PNPLA7: variants seen among roughly 807,000 people sequenced by gnomAD.
PNPLA7 encodes the protein patatin-like phospholipase domain-containing protein 7.
In PNPLA7, 153 loss-of-function variants were observed where a neutral mutation model predicts 161.7. The observed-to-expected ratio is 0.95, with a 90% confidence interval of 0.83 to 1.08. PNPLA7 has a LOEUF of 1.08. PNPLA7 is among the 50% of genes least tolerant of loss of function. The pLI, the probability that PNPLA7 is intolerant of heterozygous loss-of-function variation, is 0.00. For synonymous variants in PNPLA7, 809 were observed against 782.1 expected, an observed-to-expected ratio of 1.03 and a Z score of -0.57; for missense variants, 1,739 against 1,856.6, an observed-to-expected ratio of 0.94 and a Z score of 1.16.
intron 8 of PNPLA7, among the ~76,000 whole-genome samples, chr9:137,528,342 A>T (rs1835404216): frequency 6.6e-6 from 1 of 151,924 alleles, no homozygotes. Flanking sequence ...CACTGATCTG[A>T]GACTTGTTTT....
intron 8 of PNPLA7, among the ~76,000 whole-genome samples, chr9:137,527,643 A>C (rs1484216605): frequency 1.3e-5 from 2 of 152,108 alleles, no homozygotes; most frequent in Non-Finnish European, 2.9e-5. Context: ...ATACTGCTGG[A>C]CTCAAATCTC....
intron 16 of PNPLA7, among the ~76,000 whole-genome samples, chr9:137,498,634 G>A (rs949968722): frequency 1.3e-5 from 2 of 152,238 alleles, no homozygotes; most frequent in Non-Finnish European, 2.9e-5. Flanking sequence ...AGCAGGCAAA[G>A]GCAGAGGCTG....
At chr9:137,525,376 T>C (rs914229537) in intron 8 of PNPLA7, among the ~76,000 whole-genome samples, 3 of 152,172 alleles carry the variant, frequency 2.0e-5, no homozygotes, top group East Asian at 3.8e-4. Flanking sequence ...CACCAAGGCA[T>C]GGAGACCGGT....
In PNPLA7 at chr9:137,536,304, C is replaced by T. The variant is rs193159697; in HGVS notation, c.747+4338G>A. 5.9e-3 allele frequency among the ~76,000 whole-genome samples: 901 copies of T among 152,190 alleles called. 7 individuals carry two copies. Among genetic ancestry groups the T allele is most frequent in the East Asian group, 0.02 (102 of 5,188 alleles). ...GAGGATTTGCTCCACCAAAACACGC[C>T]GGCCGAGAAAGCAGCAGCAAGAGCC... On this transcript the variant is annotated intron_variant, in intron 8 of 34. Coordinates refer to ENST00000406427, the MANE Select transcript of PNPLA7 (RefSeq NM_001098537.3).
In PNPLA7 at chr9:137,546,862, CTT is replaced by C. The variant is rs774328017; in HGVS notation, c.239_240del (p.Lys80SerfsTer71). ...ATGATCTTCCGGCCGTAAAACATCA[CTT>C]TGTCTCTCTTCCGGAACCGGTACTG... ...TPQYRFRKRD[K>X]VMFYGRKIMR... On this transcript the variant is annotated frameshift_variant, in exon 4 of 35. Transcript: ENST00000406427. LOFTEE classifies it high-confidence loss of function. The C allele has an allele frequency of 1.2e-6, 2 of 1,613,972 alleles. No homozygotes were observed. Among genetic ancestry groups the C allele is most frequent in the African/African-American group, 1.3e-5 (1 of 75,062 alleles).
chr9:137,462,457 A>T, intron 30 of PNPLA7, 126 bp from the exon 31 acceptor site: 9 of 1,460,976 alleles, frequency 6.2e-6, no homozygotes, highest in Non-Finnish European at 7.3e-6. Flanking sequence ...GGGAGAGGGT[A>T]GCAGCACCCG....
At chr9:137,501,302 C>G (rs562379068) in intron 15 of PNPLA7, among the ~76,000 whole-genome samples, 1 of 152,202 alleles carries the variant, frequency 6.6e-6, no homozygotes, top group Admixed American at 6.5e-5. Flanking sequence ...ACACGCCACG[C>G]GTTTTGGTCC....
chr9:137,507,468 G>A (rs983285835), intron 12 of PNPLA7, among the ~76,000 whole-genome samples: 14 of 152,164 alleles, frequency 9.2e-5, no homozygotes, highest in African/African-American at 2.2e-4. Flanking sequence ...TTGGGGGTTC[G>A]AGACCAGCCT....
In PNPLA7 at chr9:137,519,934, T is replaced by G; in HGVS notation, c.1067A>C (p.Gln356Pro). The change falls in exon 11 of 35, where the codon CAG becomes CCG. Residue 356 changes from glutamine (Q) to proline (P), a missense_variant. Around this residue, in one of 6 missense-constraint regions of PNPLA7, gnomAD observed 481 missense variants for 450.0 expected, o/e 1.07. Transcript: ENST00000406427. ...GACAGTACCTGAGTCACAGGACTCCTGGAGCCGCGGTGGCTTTTTAAGCCG... is the reference window on the plus strand; with the variant it reads ...GACAGTACCTGAGTCACAGGACTCCGGGAGCCGCGGTGGCTTTTTAAGCCG... ...EERLKKPPRL[Q>P]ESCDSDHGGG... The G allele has an allele frequency of 6.2e-7, 1 of 1,612,550 alleles. No homozygotes were observed. Among genetic ancestry groups the G allele is most frequent in the East Asian group, 2.2e-5 (1 of 44,888 alleles).
At chr9:137,492,983 G>A (rs1179911228) in intron 20 of PNPLA7, 30 bp downstream of exon 20, 1 of 1,607,130 alleles carries the variant, frequency 6.2e-7, no homozygotes, top group Non-Finnish European at 8.5e-7. Context: ...AGGGCTCCCA[G>A]GAGGCTCTGG....
intron 17 of PNPLA7, among the ~76,000 whole-genome samples, chr9:137,497,591 G>A (rs1434961471): frequency 7.2e-5 from 11 of 152,292 alleles, no homozygotes; most frequent in Admixed American, 4.6e-4. Flanking sequence ...GCAGTGGCAC[G>A]ACCTCGGCTC....
chr9:137,466,479 C>A (rs1172833863), intron 26 of PNPLA7, among the ~76,000 whole-genome samples: 1 of 150,778 alleles, frequency 6.6e-6, no homozygotes, highest in Non-Finnish European at 1.5e-5. Flanking sequence ...GAACAGACCA[C>A]CTCCCACCAC....
intron 14 of PNPLA7, 30 bp downstream of exon 14, chr9:137,505,584 A>C: frequency 6.2e-7 from 1 of 1,611,260 alleles, no homozygotes; most frequent in Middle Eastern, 1.7e-4. Context: ...TGGGTGGGAC[A>C]AGGGCCAGGT....
At chr9:137,460,981 A>G in intron 33 of PNPLA7, 1 of 495,442 alleles carries the variant, frequency 2.0e-6, no homozygotes, top group South Asian at 2.3e-5. Context: ...GCGGGCAGAC[A>G]CTCCTCCCCT....
In PNPLA7 at chr9:137,505,617, C is replaced by T. The variant is rs1833873065; in HGVS notation, c.1470G>A (p.Leu490=). 6.2e-7 allele frequency: 1 copy of T among 1,613,820 alleles called. No individual in the cohort carries two copies. Among genetic ancestry groups the T allele is most frequent in the Non-Finnish European group, 8.5e-7 (1 of 1,179,996 alleles). ...AKKDLLTLMK[L]EDSSLLDGRV... is the part of the protein sequence containing the mutation. ...GGTGCCCGCCGGGGCCACTCACTTC[C>T]AGCTTCATCAGGGTGAGCAGGTCCT... The change falls in exon 14 of 35, where the codon CTG becomes CTA. Residue 490 remains leucine, a synonymous_variant. Transcript: ENST00000406427.
intron 4 of PNPLA7, among the ~76,000 whole-genome samples, chr9:137,544,659 T>C (rs1230414553): frequency 2.0e-5 from 3 of 152,226 alleles, no homozygotes; most frequent in Non-Finnish European, 2.9e-5. Flanking sequence ...TCGTTTGTTT[T>C]TGAGATGGAG....
rs1421382586 is a variant in PNPLA7, at chr9:137,462,046, G to A, written c.3646-5C>T. The A allele has an allele frequency of 2.5e-6, 4 of 1,584,996 alleles. No individual in the cohort carries two copies. The highest frequency in any genetic ancestry group is 3.5e-5 in the Admixed American group (2 of 56,870). On this transcript the variant is annotated splice_region_variant and splice_polypyrimidine_tract_variant and intron_variant, in intron 31 of 34. Coordinates refer to ENST00000406427, the MANE Select transcript of PNPLA7 (RefSeq NM_001098537.3). The stretch of plus-strand genomic sequence containing the variant: ...CCCGTGCTGGTAGCCCACTTCCTGT[G>A]CACACCCCCAGGGCCCCGTCAGGAG...
rs768146418 is a variant in PNPLA7, at chr9:137,543,761, C to T, written c.328G>A (p.Ala110Thr). The change falls in exon 5 of 35, where the codon GCC becomes ACC. Residue 110 changes from alanine to threonine, a missense_variant. This residue lies in a region of PNPLA7 where 209 missense variants were observed against 252.8 expected (regional missense o/e 0.83). Transcript: ENST00000406427. The surrounding 1 kb of genome is among the most constrained non-coding windows in gnomAD (Gnocchi z 6.9). ...GACAGCACCTTGGTCCTCTTCCTGG[C>T]CCGCTGCCGGGGCAGGGCAGTGTTC... is the stretch of plus-strand genomic sequence containing the variant. ...VENTALPRQR[A>T]RKRTKVLSLA... The T allele has an allele frequency of 1.2e-6, 2 of 1,614,166 alleles. No homozygotes were observed. The highest frequency in any genetic ancestry group is 1.1e-5 in the South Asian group (1 of 91,084).
intron 26 of PNPLA7, among the ~76,000 whole-genome samples, chr9:137,465,445 CAG>C (rs1831418436): frequency 2.0e-5 from 3 of 152,188 alleles, no homozygotes; most frequent in Admixed American, 2.0e-4. Flanking sequence ...GACGGAGGGA[CAG>C]GGAGAGGGCC....
Sources: allele counts gnomAD v4.1 joint callset (sites outside exome capture counted in the v4.1 genomes callset), GRCh38; gene constraint gnomAD v4.1.1; regional missense constraint gnomAD v4.1.1; non-coding constraint Gnocchi (gnomAD v3.1); transcripts MANE v1.5; gene names NCBI Gene and HGNC (gene_info 2026-07-23, HGNC 2026-07-21).